C16orf46: variants seen among roughly 807,000 people sequenced by gnomAD.
C16orf46 encodes chromosome 16 open reading frame 46, also known as uncharacterized protein C16orf46.
A neutral mutation model predicts 5.5 loss-of-function variants in C16orf46; 7 were observed. The ratio of observed to expected loss-of-function variants is 1.28; its 90% CI spans 0.73 to 2.40. The LOEUF is 2.40. Among genes scored for constraint, C16orf46 ranks in the 30% most tolerant of loss-of-function variants. The pLI is 0.00. For synonymous variants in C16orf46, 200 were observed against 184.1 expected (o/e 1.09, Z -0.70); for missense variants, 614 against 476.0 (o/e 1.29, Z -2.70).
rs142138764 is a variant in C16orf46, at chr16:81,053,634, A to T, written c.*437T>A. 472 of 155,488 alleles carry T rather than the reference A, an allele frequency of 3.0e-3. 1 individual carries two copies. Among genetic ancestry groups the T allele is most frequent in the Middle Eastern group, 9.6e-3 (3 of 314 alleles). 9.6% of individuals were successfully genotyped at this position (155,488 alleles called of 1,614,324 possible). A position where few individuals can be genotyped will look rare whatever the true frequency, so the allele number is the denominator to read the frequency against. On this transcript the variant is annotated 3_prime_UTR_variant, in exon 4 of 4. Coordinates refer to the C16orf46 transcript ENST00000378611. ...CATGGCCCCTCCACTAACTTTTCAT[A>T]CTTTACTTGGAAGCAAGTTACTATT...
intron 1 of C16orf46, among the ~76,000 whole-genome samples, chr16:81,068,174 G>C (rs944621287): frequency 6.6e-6 from 1 of 152,152 alleles, no homozygotes; most frequent in Non-Finnish European, 1.5e-5. Context: ...TTATACGTCC[G>C]GCAAAGTTAA....
In C16orf46 at chr16:81,061,864, C is replaced by A. The variant is rs770168376; in HGVS notation, c.485G>T (p.Ser162Ile). The A allele has an allele frequency of 1.3e-5, 21 of 1,614,044 alleles. No individual in the cohort carries two copies. Among genetic ancestry groups the A allele is most frequent in the Non-Finnish European group, 1.6e-5 (19 of 1,180,026 alleles). Reference sequence around the variant, plus strand: ...CCAAATAAACTCCTTGATTTGCAGACTTTTTTTCTCTGCTCGAAAGTAGGT... The same window carrying A: ...CCAAATAAACTCCTTGATTTGCAGAATTTTTTTCTCTGCTCGAAAGTAGGT... ...FPTYFRAEKK[S>I]LQIKEFIWCN... The change falls in exon 4 of 4, where the codon AGT becomes ATT. Residue 162 changes from serine to isoleucine, a missense_variant. By Grantham distance (142) the Ser-to-Ile change is moderately radical. Transcript: ENST00000299578.
chr16:81,066,810 G>C (rs1182383506), intron 1 of C16orf46, among the ~76,000 whole-genome samples: 1 of 152,148 alleles, frequency 6.6e-6, no homozygotes, highest in Non-Finnish European at 1.5e-5. Flanking sequence ...CCAGGATAAA[G>C]CATACATCAA....
At chr16:81,075,282 TAG>T (rs1367377086) in intron 1 of C16orf46, among the ~76,000 whole-genome samples, 2 of 151,052 alleles carry the variant, frequency 1.3e-5, no homozygotes, top group Non-Finnish European at 2.9e-5. Context: ...ACCTATTGCC[TAG>T]ATCAGGGATA....
chr16:81,072,529 C>T (rs1971892050), intron 1 of C16orf46, among the ~76,000 whole-genome samples: 1 of 151,766 alleles, frequency 6.6e-6, no homozygotes, highest in Non-Finnish European at 1.5e-5. Flanking sequence ...GGATTATAGG[C>T]ATGCGCCATC....
downstream of C16orf46, chr16:81,060,608 C>T (rs1462524536): frequency 1.3e-5 from 2 of 153,598 alleles, no homozygotes; most frequent in African/African-American, 4.8e-5. Flanking sequence ...CTGTGCCCGG[C>T]CTGGAGTTTT....
intron 1 of C16orf46, among the ~76,000 whole-genome samples, chr16:81,070,753 TCTCGG>T (rs1225305270): frequency 6.6e-6 from 1 of 152,192 alleles, no homozygotes; most frequent in African/African-American, 2.4e-5. Context: ...AATGGCATGG[TCTCGG>T]CTCACTGCAA....
chr16:81,068,114 T>C (rs778521269), intron 1 of C16orf46, among the ~76,000 whole-genome samples: 12 of 152,234 alleles, frequency 7.9e-5, no homozygotes, highest in Non-Finnish European at 1.5e-4. Flanking sequence ...ATTGAGATCA[T>C]GTAATTTGTT....
intron 1 of C16orf46, among the ~76,000 whole-genome samples, chr16:81,066,681 T>C (rs1452167159): frequency 6.6e-6 from 1 of 152,256 alleles, no homozygotes; most frequent in Non-Finnish European, 1.5e-5. Context: ...TATATTCATA[T>C]AATATTTTCT....
chr16:81,073,034 C>G (rs757673804), intron 1 of C16orf46, among the ~76,000 whole-genome samples: 1 of 152,186 alleles, frequency 6.6e-6, no homozygotes, highest in Non-Finnish European at 1.5e-5. Flanking sequence ...AGGGAACTAG[C>G]TATTTAGTCC....
At chr16:81,074,754 G>C (rs1295726226) in intron 1 of C16orf46, among the ~76,000 whole-genome samples, 1 of 150,692 alleles carries the variant, frequency 6.6e-6, no homozygotes, top group South Asian at 2.1e-4. Flanking sequence ...TTTTTCACAT[G>C]AATGGCTAAA....
chr16:81,061,208 T>G lies in C16orf46; in HGVS notation c.1141A>C (p.Thr381Pro), dbSNP rs775432411. The change falls in exon 4 of 4, where the codon ACA (threonine) becomes CCA (proline). Residue 381 changes from threonine to proline, a missense_variant. By Grantham distance (38) the Thr-to-Pro change is conservative. Coordinates refer to ENST00000299578, the MANE Select transcript of C16orf46 (RefSeq NM_152337.3). ...VFPRPVLPSL[T>P]VSRVIIPVST... is the part of the protein sequence containing the mutation. Reference sequence around the variant, plus strand: ...ACAGGAATGATAACTCTGCTCACTGTGAGAGACGGCAAGACAGGTCTTGGG... The same window carrying G: ...ACAGGAATGATAACTCTGCTCACTGGGAGAGACGGCAAGACAGGTCTTGGG... 6.2e-7 allele frequency: 1 copy of G among 1,613,854 alleles called. No homozygotes were observed. The highest frequency in any genetic ancestry group is 2.2e-5 in the East Asian group (1 of 44,876).
chr16:81,066,692 GGTA>G (rs1971665629), intron 1 of C16orf46, among the ~76,000 whole-genome samples: 1 of 152,100 alleles, frequency 6.6e-6, no homozygotes, highest in Non-Finnish European at 1.5e-5. Context: ...AATATTTTCT[GGTA>G]GTAAAATTAT....
At chr16:81,053,887 A>G (rs1971217569) in exon 4 of C16orf46, 3 of 579,936 alleles carry the variant, frequency 5.2e-6, no homozygotes, top group Admixed American at 6.0e-5. Context: ...GCCGATGACC[A>G]TGGCAGGTGT....
intron 2 of C16orf46, among the ~76,000 whole-genome samples, chr16:81,064,380 G>GA (rs1971586562): frequency 6.7e-6 from 1 of 148,940 alleles, no homozygotes; most frequent in Non-Finnish European, 1.5e-5. Context: ...AAAAAGAAAA[G>GA]AAAGAAAGAA....
chr16:81,063,506 T>C (rs985846393), intron 3 of C16orf46, among the ~76,000 whole-genome samples: 2 of 152,058 alleles, frequency 1.3e-5, no homozygotes, highest in Non-Finnish European at 2.9e-5. Context: ...TATTGAGAGG[T>C]TAGATGAATT....
At chr16:81,064,091 G>A (rs1971575100) in intron 2 of C16orf46, 98 bp from the exon 3 acceptor site, 1 of 671,212 alleles carries the variant, frequency 1.5e-6, no homozygotes, top group Non-Finnish European at 2.4e-6. Context: ...GACACATTCA[G>A]GAATATGGCC....
chr16:81,075,601 G>T (rs376162271), intron 1 of C16orf46, among the ~76,000 whole-genome samples: 2 of 152,212 alleles, frequency 1.3e-5, no homozygotes, highest in African/African-American at 4.8e-5. Context: ...ACAAAACAAA[G>T]AAAATTCTGA....
At chr16:81,071,196 A>T (rs1971840200) in intron 1 of C16orf46, among the ~76,000 whole-genome samples, 1 of 152,096 alleles carries the variant, frequency 6.6e-6, no homozygotes, top group South Asian at 2.1e-4. Context: ...TCCTGATATG[A>T]CTGCTCCTCA....
Sources: gnomAD v4.1 joint callset for allele counts (sites outside exome capture counted in the v4.1 genomes callset) on GRCh38, gnomAD v4.1.1 for gene constraint, MANE v1.5 for transcripts, NCBI Gene and HGNC (gene_info 2026-07-23, HGNC 2026-07-21) for gene names.